Variants in SLITRK1 observed in about 807,000 individuals in gnomAD.
The protein encoded by SLITRK1 is SLIT and NTRK like family member 1, also known as SLIT and NTRK-like protein 1.
Under a neutral mutation model 42.4 loss-of-function variants are expected in SLITRK1, and 10 were observed. The ratio of observed to expected loss-of-function variants is 0.24; its 90% confidence interval spans 0.15 to 0.40. SLITRK1 has a LOEUF of 0.40. SLITRK1 is among the 10% of genes least tolerant of loss of function. The pLI is 1.00. For synonymous variants in SLITRK1, 389 were observed against 365.7 expected (o/e 1.06, Z -0.73); for missense variants, 778 against 848.8 (o/e 0.92, Z 1.04).
rs766640879 is a variant in SLITRK1 at position 83,880,104 on chromosome 13, A to T, written c.1404T>A (p.Asn468Lys). Residue 468 changes from asparagine (N) to lysine (K), a missense_variant, in exon 2 of 2, where the codon AAT becomes AAA. By Grantham distance (94) the Asn-to-Lys change is moderately conservative (BLOSUM62 0). Transcript: ENST00000674365. ...TGAGGATCCTCAGTTTGGGCATGGC[A>T]TTGAAAGTGCCCGGGAGGATGAGCT... ...AIQLILPGTF[N>K]AMPKLRILIL... The T allele has an allele frequency of 4.3e-6, 7 of 1,613,840 alleles. No homozygotes were observed. The African/African-American group carries it at 9.3e-5, about 22-fold the overall frequency.
rs749499107 is a variant in SLITRK1 at position 83,880,454 on chromosome 13, C to G, written c.1054G>C (p.Gly352Arg). 3.3e-5 allele frequency: 53 copies of G among 1,613,858 alleles called. No individual in the cohort carries two copies. In the East Asian group the frequency reaches 3.6e-4, roughly 11 times the overall value. The change falls in exon 2 of 2, where the codon GGG becomes CGG. Residue 352 changes from glycine to arginine, a missense_variant. Physicochemically the swap from Gly to Arg is moderately radical, Grantham distance 125. This residue lies in a region of SLITRK1 where 395 missense variants were observed against 360.4 expected (regional missense o/e 1.10). Transcript: ENST00000674365. ...TTGCAGTTCATCTTTAAACCCGACC[C>G]TGGGATGTGGTCGCAGCTGCAGCCC... ...PGGCSCDHIP[G>R]SGLKMNCNNR...
rs1594118295 is a variant in SLITRK1, at chr13:83,880,593, T to A, written c.915A>T (p.Pro305=). Residue 305 remains proline (P), a synonymous_variant, in exon 2 of 2, where the codon CCA becomes CCT. Transcript: ENST00000674365. ...QEDHATPGSA[P]NGGTKIPGNW... ...TGCCTGGGATCTTTGTACCTCCGTT[T>A]GGAGCAGACCCTGGTGTGGCATGAT... 6.2e-7 allele frequency: 1 copy of A among 1,614,170 alleles called. No individual in the cohort carries two copies. Among genetic ancestry groups the A allele is most frequent in the East Asian group, 2.2e-5 (1 of 44,864 alleles).
chr13:83,881,576 ACAATT>A lies in SLITRK1; in HGVS notation c.-53-21_-53-17del. ...AGCGACCATCCTGCTCGCCACAGACACAATTCAAGTTCATTTAGTGCTCCAATGTC... is the reference window on the plus strand; with the variant it reads ...AGCGACCATCCTGCTCGCCACAGACACAAGTTCATTTAGTGCTCCAATGTC... On this transcript the variant is annotated splice_polypyrimidine_tract_variant and intron_variant, in intron 1 of 1. Transcript: ENST00000674365. 1.3e-6 allele frequency: 2 copies of A among 1,568,420 alleles called. No individual in the cohort carries two copies. The highest frequency in any genetic ancestry group is 1.7e-6 in the Non-Finnish European group (2 of 1,148,512).
Position 83,880,198 on chromosome 13 carries a change from G to C in SLITRK1, c.1310C>G (p.Thr437Arg). The stretch of plus-strand genomic sequence containing the variant: ...CCCCGCGAATTTCTCCCGGGACAGC[G>C]TGTCCAGGTAATTGCTATCCATGTA... ...WLYMDSNYLD[T>R]LSREKFAGLQ... Residue 437 changes from threonine to arginine, a missense_variant, in exon 2 of 2, where the codon ACG becomes AGG. By Grantham distance (71) the Thr-to-Arg change is moderately conservative (BLOSUM62 -1). This residue lies in a region of SLITRK1 where 395 missense variants were observed against 360.4 expected (regional missense o/e 1.10). Transcript: ENST00000674365. 6.2e-7 allele frequency: 1 copy of C among 1,614,062 alleles called. No homozygotes were observed.
rs1402086500 is a variant in SLITRK1 at position 83,879,120 on chromosome 13, G to A, written c.*297C>T. On this transcript the variant is annotated 3_prime_UTR_variant, in exon 2 of 2. Coordinates refer to ENST00000674365, the MANE Select transcript of SLITRK1 (RefSeq NM_001281503.2). ...ACAGGCCCCGGGGCCGAGGGCGAGG[G>A]CACTGTCAGTTCTTCCAGCAGGGTC... 2 of 443,426 alleles carry A rather than the reference G, an allele frequency of 4.5e-6. No individual in the cohort carries two copies. Among genetic ancestry groups the A allele is most frequent in the Non-Finnish European group, 8.4e-6 (2 of 238,612 alleles). The allele number at this position is 443,426 out of a possible 1,614,324, so 27.5% of individuals were successfully genotyped here. A position where few individuals can be genotyped will look rare whatever the true frequency, so the allele number is the denominator to read the frequency against.
Position 83,879,471 on chromosome 13 carries a change from G to A in SLITRK1, c.2037C>T (p.Asn679=). The A allele has an allele frequency of 1.9e-6, 3 of 1,613,970 alleles. No homozygotes were observed. Among genetic ancestry groups the A allele is most frequent in the Non-Finnish European group, 8.5e-7 (1 of 1,180,026 alleles). ...CATACACTCTGTGGGCCCCATCTGCGTTGTAAGGCCCATTGTGCCAGTAGG... is the reference window on the plus strand; with the variant it reads ...CATACACTCTGTGGGCCCCATCTGCATTGTAAGGCCCATTGTGCCAGTAGG... ...DSSYWHNGPY[N]ADGAHRVYDC... The change falls in exon 2 of 2, where the codon AAC becomes AAT. Residue 679 remains asparagine, a synonymous_variant. Transcript: ENST00000674365.
chr13:83,880,034 C>A lies in SLITRK1; in HGVS notation c.1474G>T (p.Ala492Ser), dbSNP rs1207175446. Residue 492 changes from alanine to serine, a missense_variant, in exon 2 of 2, where the codon GCT (alanine) becomes TCT (serine). Around this residue, in one of 4 missense-constraint regions of SLITRK1, gnomAD observed 395 missense variants for 360.4 expected, o/e 1.10. Transcript: ENST00000674365. ...LLRSLPVDVF[A>S]GVSLSKLSLH... Reference sequence around the variant, plus strand: ...CTGAGTTTAGAGAGCGAGACCCCAGCGAACACGTCCACAGGCAGGGACCTC... The same window carrying A: ...CTGAGTTTAGAGAGCGAGACCCCAGAGAACACGTCCACAGGCAGGGACCTC... The A allele has an allele frequency of 2.5e-6, 4 of 1,613,982 alleles. No homozygotes were observed. The East Asian group carries it at 6.7e-5, about 27-fold the overall frequency.
At chr13:83,881,697 C>T in intron 1 of SLITRK1, 137 bp from the exon 2 acceptor site, 1 of 503,332 alleles carries the variant, frequency 2.0e-6, no homozygotes, top group South Asian at 2.2e-5. Context: ...GCCCAGACGC[C>T]AGTCAATAAT....
chr13:83,879,616 G>A lies in SLITRK1; in HGVS notation c.1892C>T (p.Ser631Phe). ...GAGCATGCCCACCACGGTGAAGGCG[G>A]AGGTGACAAACACCAGCAGCAGTCC... ...VPGLLLVFVT[S>F]AFTVVGMLVF... Residue 631 changes from serine (S) to phenylalanine (F), a missense_variant, in exon 2 of 2, where the codon TCC becomes TTC. Ser to Phe is a radical substitution (Grantham distance 155). Transcript: ENST00000674365. 1 of 1,614,068 alleles carries A rather than the reference G, an allele frequency of 6.2e-7. No individual in the cohort carries two copies. The highest frequency in any genetic ancestry group is 8.5e-7 in the Non-Finnish European group (1 of 1,180,020).
In SLITRK1 at chr13:83,881,311, TGCAGAAATA is replaced by T; in HGVS notation, c.188_196del (p.Leu63_His66delinsTyr). 6.2e-7 allele frequency: 1 copy of T among 1,614,156 alleles called. No individual in the cohort carries two copies. The highest frequency in any genetic ancestry group is 8.5e-7 in the Non-Finnish European group (1 of 1,180,036). On this transcript the variant is annotated inframe_deletion, in exon 2 of 2. Transcript: ENST00000674365. The stretch of plus-strand genomic sequence containing the variant: ...GAAAAGTCGAGTGAGGGAATTGCCA[TGCAGAAATA>T]AATGGTAAAACTGGGAAGTCGGGGC...
In SLITRK1 at chr13:83,879,834, A is replaced by G. The variant is rs1464565770; in HGVS notation, c.1674T>C (p.Cys558=). 3.7e-6 allele frequency: 6 copies of G among 1,613,994 alleles called. No homozygotes were observed. The highest frequency in any genetic ancestry group is 4.2e-6 in the Non-Finnish European group (5 of 1,180,020). The part of the protein sequence containing the change: ...GSEVLMSDLK[C]ETPVNFFRKD... Reference sequence around the variant, plus strand: ...TTCTAAAGAAGTTCACCGGCGTCTCACACTTGAGGTCGCTCATCAGCACTT... The same window carrying G: ...TTCTAAAGAAGTTCACCGGCGTCTCGCACTTGAGGTCGCTCATCAGCACTT... The change falls in exon 2 of 2, where the codon TGT becomes TGC. Residue 558 remains cysteine (C), a synonymous_variant. Transcript: ENST00000674365.
At position 83,880,315 on chromosome 13, in the gene SLITRK1, T is replaced by A; in HGVS notation, c.1193A>T (p.Tyr398Phe). The A allele has an allele frequency of 6.2e-7, 1 of 1,614,064 alleles. No homozygotes were observed. Among genetic ancestry groups the A allele is most frequent in the Non-Finnish European group, 8.5e-7 (1 of 1,180,016 alleles). ...HSIRKSHFVD[Y>F]KNLILLDLGN... ...CAGATCCAACAGAATGAGGTTCTTG[T>A]AATCCACAAAGTGCGATTTTCGGAT... Residue 398 changes from tyrosine (Y) to phenylalanine (F), a missense_variant, in exon 2 of 2, where the codon TAC becomes TTC. Tyr to Phe is a conservative substitution (Grantham distance 22). Coordinates refer to ENST00000674365, the MANE Select transcript of SLITRK1 (RefSeq NM_001281503.2).
In SLITRK1 at chr13:83,879,762, G is replaced by A. The variant is rs779994225; in HGVS notation, c.1746C>T (p.Tyr582=). 3 of 1,613,978 alleles carry A rather than the reference G, an allele frequency of 1.9e-6. No homozygotes were observed. Among genetic ancestry groups the A allele is most frequent in the Non-Finnish European group, 2.5e-6 (3 of 1,179,988 alleles). Residue 582 remains tyrosine, a synonymous_variant, in exon 2 of 2, where the codon TAC becomes TAT. Transcript: ENST00000674365. ...AAGTTAACGTGGGCGAGATCCTAGC[G>A]TACAGCTGAGGGCAGATCTCGTCAT... The part of the protein sequence containing the change: ...LSNDEICPQL[Y]ARISPTLTSH...
In SLITRK1 at chr13:83,881,001, T is replaced by C. The variant is rs763126754; in HGVS notation, c.507A>G (p.Leu169=). 1 of 1,613,970 alleles carries C rather than the reference T, an allele frequency of 6.2e-7. No homozygotes were observed. Among genetic ancestry groups the C allele is most frequent in the East Asian group, 2.2e-5 (1 of 44,828 alleles). ...LILNDNLIST[L]PANVFQYVPI... ...GCACATACTGGAACACGTTGGCAGGTAGGGTGCTGATGAGATTGTCATTTA... is the reference window on the plus strand; with the variant it reads ...GCACATACTGGAACACGTTGGCAGGCAGGGTGCTGATGAGATTGTCATTTA... Residue 169 remains leucine (L), a synonymous_variant, in exon 2 of 2, where the codon CTA becomes CTG. Coordinates refer to ENST00000674365, the MANE Select transcript of SLITRK1 (RefSeq NM_001281503.2).
Position 83,879,279 on chromosome 13 carries a change from C to T in SLITRK1, c.*138G>A. The T allele has an allele frequency of 9.4e-7, 1 of 1,060,072 alleles. No individual in the cohort carries two copies. The highest frequency in any genetic ancestry group is 1.4e-5 in the South Asian group (1 of 73,024). The allele number at this position is 1,060,072 out of a possible 1,614,324, so 65.7% of individuals were successfully genotyped here. A position where few individuals can be genotyped will look rare whatever the true frequency, so the allele number is the denominator to read the frequency against. ...TCAGGCCCTTTCGGTTGTGCGAGCT[C>T]ACAGTTATTTATCTACTTATGCCCA... On this transcript the variant is annotated 3_prime_UTR_variant, in exon 2 of 2. Transcript: ENST00000674365.
At position 83,880,275 on chromosome 13, in the gene SLITRK1, G is replaced by A. The variant is rs750144491; in HGVS notation, c.1233C>T (p.Ile411=). The A allele has an allele frequency of 1.9e-6, 3 of 1,613,868 alleles. No individual in the cohort carries two copies. The highest frequency in any genetic ancestry group is 2.5e-6 in the Non-Finnish European group (3 of 1,180,040). The change falls in exon 2 of 2, where the codon ATC becomes ATT. Residue 411 remains isoleucine (I), a synonymous_variant. Transcript: ENST00000674365. ...TGAAAGTGTTGTTCTCTACAGTAGC[G>A]ATGTTATTGTTGCCCAGATCCAACA... The part of the protein sequence containing the change: ...LILLDLGNNN[I]ATVENNTFKN...
At position 83,879,950 on chromosome 13, in the gene SLITRK1, A is replaced by T. The variant is rs1409609141; in HGVS notation, c.1558T>A (p.Ser520Thr). 4 of 1,613,948 alleles carry T rather than the reference A, an allele frequency of 2.5e-6. No individual in the cohort carries two copies. The highest frequency in any genetic ancestry group is 3.4e-6 in the Non-Finnish European group (4 of 1,180,030). Residue 520 changes from serine (S) to threonine (T), a missense_variant, in exon 2 of 2, where the codon TCC becomes ACC. By Grantham distance (58) the Ser-to-Thr change is moderately conservative. Around this residue, in one of 4 missense-constraint regions of SLITRK1, gnomAD observed 395 missense variants for 360.4 expected, o/e 1.10. Coordinates refer to ENST00000674365, the MANE Select transcript of SLITRK1 (RefSeq NM_001281503.2). ...PVAGVLDQLT[S>T]IIQIDLHGNP... is the part of the protein sequence containing the mutation. ...CCGTGGAGGTCTATCTGGATGATGG[A>T]GGTTAACTGGTCCAGCACCCCTGCC...
Position 83,881,214 on chromosome 13 carries a change from A to G in SLITRK1, c.294T>C (p.Val98=), listed in dbSNP as rs751143571. The change falls in exon 2 of 2, where the codon GTT becomes GTC. Residue 98 remains valine (V), a synonymous_variant. Transcript: ENST00000674365. ...GCTGCAGCCCCAGAAAAGCCCCCGG[A>G]ACGATTTCATGCAAGCCATTGTTTT... is the stretch of plus-strand genomic sequence containing the variant. The part of the protein sequence containing the change: ...HMENNGLHEI[V]PGAFLGLQLV... 81 of 1,614,040 alleles carry G rather than the reference A, an allele frequency of 5.0e-5. No individual in the cohort carries two copies. The highest frequency in any genetic ancestry group is 6.7e-5 in the Non-Finnish European group (79 of 1,180,030).
intron 1 of SLITRK1, 186 bp from the exon 2 acceptor site, chr13:83,881,746 G>GCAAA: frequency 1.0e-5 from 1 of 95,238 alleles, no homozygotes; most frequent in East Asian, 2.8e-4. Context: ...TGCAAGGCAA[G>GCAAA]CAAAGAAAAA....
Sources: gnomAD v4.1 joint callset for allele counts on GRCh38, gnomAD v4.1.1 for gene constraint, gnomAD v4.1.1 regional missense constraint, MANE v1.5 for transcripts, NCBI Gene and HGNC (gene_info 2026-07-23, HGNC 2026-07-21) for gene names.